The following GALNT13 variants were observed in gnomAD, a reference collection of about 807,000 sequenced individuals.
GALNT13 encodes polypeptide N-acetylgalactosaminyltransferase 13.
A neutral mutation model predicts 64.2 loss-of-function variants in GALNT13; 28 were observed. That is an observed-to-expected ratio of 0.44 (90% CI 0.32 to 0.60). The LOEUF is 0.60. Ranked by LOEUF, GALNT13 falls within the 20% of genes least tolerant of loss-of-function variation. The pLI, the probability that GALNT13 is intolerant of heterozygous loss-of-function variation, is 0.05. For synonymous variants in GALNT13, 214 were observed against 224.6 expected (o/e 0.95, Z 0.42); for missense variants, 577 against 669.8 (o/e 0.86, Z 1.53).
At chr2:154,171,420 A>G (rs1685341805) in intron 4 of GALNT13, among the ~76,000 whole-genome samples, 1 of 152,154 alleles carries the variant, frequency 6.6e-6, no homozygotes, top group South Asian at 2.1e-4. Flanking sequence ...CAATTTATAA[A>G]AATGGTTTCA....
chr2:153,457,311 G>C, the GALNT13 span, among the ~76,000 whole-genome samples: 4 of 152,178 alleles, frequency 2.6e-5, no homozygotes, highest in Non-Finnish European at 5.9e-5. Context: ...TGTTGCATTA[G>C]GAAAATGTCT....
the GALNT13 span, among the ~76,000 whole-genome samples, chr2:153,116,904 A>G: frequency 7.1e-6 from 1 of 140,602 alleles, no homozygotes; most frequent in African/African-American, 2.6e-5. Context: ...GGTTCACACC[A>G]TTCTCCTGCC....
rs554760349 is a variant in GALNT13, at chr2:154,335,798, A to T, written c.1156+34209A>T. On this transcript the variant is annotated intron_variant, in intron 9 of 12. Coordinates refer to ENST00000392825, the MANE Select transcript of GALNT13 (RefSeq NM_052917.4). ...GCATAACAATGAATATTTTTAAAGT[A>T]AATGTTTGCCCATTCTTAACATGTA... is the stretch of plus-strand genomic sequence containing the variant. 2.0e-5 allele frequency among the ~76,000 whole-genome samples: 3 copies of T among 152,234 alleles called. No individual in the cohort carries two copies. In the East Asian group the frequency reaches 5.8e-4, roughly 29 times the overall value.
chr2:153,874,022 C>G (rs1251597840), intron 1 of GALNT13, among the ~76,000 whole-genome samples: 1 of 151,872 alleles, frequency 6.6e-6, no homozygotes, highest in African/African-American at 2.4e-5. Context: ...TTACACGCAT[C>G]CTTTCCTTTT....
At chr2:153,549,607 C>A in the GALNT13 span, among the ~76,000 whole-genome samples, 6 of 152,270 alleles carry the variant, frequency 3.9e-5, no homozygotes, top group African/African-American at 1.4e-4. Flanking sequence ...ATGGGGGAGT[C>A]TCAGCTTCCC....
At chr2:153,710,666 G>A in the GALNT13 span, among the ~76,000 whole-genome samples, 3 of 151,850 alleles carry the variant, frequency 2.0e-5, no homozygotes, top group Non-Finnish European at 4.4e-5. Flanking sequence ...TTTCTCTACT[G>A]AACGATCATA....
the GALNT13 span, among the ~76,000 whole-genome samples, chr2:153,214,691 G>A: frequency 6.6e-6 from 1 of 152,024 alleles, no homozygotes; most frequent in East Asian, 1.9e-4. Flanking sequence ...AAATAGCAAG[G>A]CCAACATTTT....
At chr2:153,758,746 C>T in the GALNT13 span, among the ~76,000 whole-genome samples, 37 of 152,118 alleles carry the variant, frequency 2.4e-4, no homozygotes, top group Admixed American at 8.5e-4. Flanking sequence ...GCCTGTGTGC[C>T]GCACCCAGCT....
chr2:153,856,989 G>A, the GALNT13 span, among the ~76,000 whole-genome samples: 2 of 152,100 alleles, frequency 1.3e-5, no homozygotes, highest in Non-Finnish European at 2.9e-5. Flanking sequence ...GCAAAAAAAG[G>A]TATATGCAAA....
At chr2:154,297,023 G>A (rs551483403) in intron 8 of GALNT13, among the ~76,000 whole-genome samples, 13 of 152,312 alleles carry the variant, frequency 8.5e-5, no homozygotes, top group Admixed American at 1.3e-4. Flanking sequence ...GTGTGAAAAG[G>A]TATGTGGTAT....
the GALNT13 span, among the ~76,000 whole-genome samples, chr2:153,827,862 T>C: frequency 6.6e-6 from 1 of 152,144 alleles, no homozygotes; most frequent in Non-Finnish European, 1.5e-5. Context: ...AAAAGCAAGT[T>C]AGTTATTTTC....
At chr2:153,617,481 T>TA in the GALNT13 span, among the ~76,000 whole-genome samples, 3 of 152,170 alleles carry the variant, frequency 2.0e-5, no homozygotes, top group East Asian at 5.8e-4. Context: ...TGTTGATGAT[T>TA]ATTGCTTCAG....
chr2:153,575,171 C>G, the GALNT13 span, among the ~76,000 whole-genome samples: 1 of 152,134 alleles, frequency 6.6e-6, no homozygotes, highest in African/African-American at 2.4e-5. Context: ...CTCTGGATTA[C>G]CAGGCAGAGA....
chr2:154,148,110 G>A (rs2105608120), intron 4 of GALNT13, among the ~76,000 whole-genome samples: 1 of 151,748 alleles, frequency 6.6e-6, no homozygotes, highest in East Asian at 1.9e-4. Flanking sequence ...AGAGTGTGAT[G>A]TTCCCCTTTC....
chr2:154,070,100 A>G (rs1301969398), intron 3 of GALNT13, among the ~76,000 whole-genome samples: 1 of 152,118 alleles, frequency 6.6e-6, no homozygotes. Flanking sequence ...CATCCTACTG[A>G]TGGTTGATAT....
At position 153,963,116 on chromosome 2, in the gene GALNT13, G is replaced by A. The variant is rs543386180; in HGVS notation, c.142+18477G>A. 8.4e-4 allele frequency among the ~76,000 whole-genome samples: 128 copies of A among 152,270 alleles called. 2 individuals carry two copies. The South Asian group carries it at 0.021, about 25-fold the overall frequency. On this transcript the variant is annotated intron_variant, in intron 3 of 12. Transcript: ENST00000392825. ...GATTGTTTTCTGGTTCCAAGTTGGT[G>A]CTTTGTTGGTTTGTTCTCCAAAGAG...
the GALNT13 span, among the ~76,000 whole-genome samples, chr2:153,105,673 C>T: frequency 1.3e-5 from 2 of 152,136 alleles, no homozygotes; most frequent in Non-Finnish European, 2.9e-5. Context: ...TCAGCAAAGT[C>T]TCAGGATACA....
chr2:154,168,915 C>T (rs1487585236), intron 4 of GALNT13, among the ~76,000 whole-genome samples: 5 of 151,954 alleles, frequency 3.3e-5, no homozygotes, highest in South Asian at 2.1e-4. Flanking sequence ...AGTCCATACA[C>T]GAAGCATGGT....
At chr2:153,916,752 C>T (rs1574108098) in intron 2 of GALNT13, among the ~76,000 whole-genome samples, 6 of 151,418 alleles carry the variant, frequency 4.0e-5, no homozygotes, top group Admixed American at 1.3e-4. Flanking sequence ...TAAGAGAGGA[C>T]GGTGTCTATA....
Sources: allele counts gnomAD v4.1 joint callset (sites outside exome capture counted in the v4.1 genomes callset), GRCh38; gene constraint gnomAD v4.1.1; transcripts MANE v1.5; gene names NCBI Gene and HGNC (gene_info 2026-07-23, HGNC 2026-07-21).